VRK3: variants seen among roughly 807,000 people sequenced by gnomAD.
The protein encoded by VRK3 is VRK serine/threonine kinase 3.
A neutral mutation model predicts 60.4 loss-of-function variants in VRK3; 50 were observed. The observed-to-expected ratio is 0.83, with a 90% CI of 0.66 to 1.05. The LOEUF (loss-of-function observed/expected upper bound fraction) is 1.05, where lower values mean the gene tolerates loss of function less well. Among genes scored for constraint, VRK3 ranks in the 50% least tolerant of loss-of-function variants. The probability of loss-of-function intolerance (pLI) is 0.00; values close to 1 mark genes in which losing one functional copy is unlikely to be tolerated. For missense variants in VRK3, 549 were observed against 585.3 expected (o/e 0.94, Z 0.64); for synonymous variants, 246 against 227.8 (o/e 1.08, Z -0.72).
intron 5 of VRK3, among the ~76,000 whole-genome samples, chr19:50,001,649 C>G (rs750317607): frequency 1.3e-5 from 2 of 152,204 alleles, no homozygotes; most frequent in Non-Finnish European, 2.9e-5. Flanking sequence ...GTAGCCCTTA[C>G]TGTTCATTTA....
chr19:49,995,000 T>C (rs2076676953), intron 8 of VRK3, 81 bp from the exon 9 acceptor site: 1 of 1,403,800 alleles, frequency 7.1e-7, no homozygotes, highest in Admixed American at 2.0e-5. Flanking sequence ...GACTGTTGCG[T>C]GGGCTGCAAG....
chr19:50,019,108 T>G (rs2077122079), intron 2 of VRK3: 1 of 132,162 alleles, frequency 7.6e-6, no homozygotes, highest in African/African-American at 2.8e-5. Flanking sequence ...GAGCTTGCAG[T>G]GAGCCGAGAT....
At chr19:50,021,500 G>T (rs1045455055) in intron 1 of VRK3, among the ~76,000 whole-genome samples, 3 of 152,232 alleles carry the variant, frequency 2.0e-5, no homozygotes, top group Non-Finnish European at 4.4e-5. Context: ...ACATGGAGAG[G>T]CTCAGGTGGA....
intron 1 of VRK3, among the ~76,000 whole-genome samples, chr19:50,024,292 G>A (rs746819330): frequency 1.1e-4 from 16 of 151,952 alleles, no homozygotes; most frequent in Non-Finnish European, 2.2e-4. Context: ...GAGATCCAGG[G>A]GCAACTCTCC....
At chr19:49,989,218 C>T (rs1347239517) in intron 11 of VRK3, among the ~76,000 whole-genome samples, 2 of 152,114 alleles carry the variant, frequency 1.3e-5, no homozygotes, top group Non-Finnish European at 2.9e-5. Flanking sequence ...CTAGTCTGTA[C>T]ACTTTCCCTG....
intron 12 of VRK3, among the ~76,000 whole-genome samples, chr19:49,983,293 C>T (rs2076455512): frequency 6.6e-6 from 1 of 152,220 alleles, no homozygotes; most frequent in Non-Finnish European, 1.5e-5. Flanking sequence ...GCTCTCGCTG[C>T]CTGGGTGGTC....
At chr19:49,989,583 T>C (rs778179245) in intron 11 of VRK3, 56 bp downstream of exon 11, 15 of 1,558,772 alleles carry the variant, frequency 9.6e-6, no homozygotes, top group Non-Finnish European at 1.1e-5. Flanking sequence ...CTCCTAGAGC[T>C]GCCCTTGTAT....
At chr19:49,995,625 C>T (rs563933350) in intron 7 of VRK3, among the ~76,000 whole-genome samples, 3 of 152,202 alleles carry the variant, frequency 2.0e-5, no homozygotes, top group Non-Finnish European at 2.9e-5. Flanking sequence ...ATGGCATCAC[C>T]GGAATGTGCC....
intron 7 of VRK3, chr19:49,997,244 C>G: frequency 3.0e-6 from 1 of 335,618 alleles, no homozygotes; most frequent in Non-Finnish European, 5.5e-6. Flanking sequence ...CTCAGCCTCC[C>G]AAAGTGCTGG....
At chr19:50,016,341 C>A (rs887992479) in intron 2 of VRK3, among the ~76,000 whole-genome samples, 178 bp from the exon 3 acceptor site, 1 of 152,198 alleles carries the variant, frequency 6.6e-6, no homozygotes, top group Non-Finnish European at 1.5e-5. Flanking sequence ...AGTCAATGTT[C>A]CCCAAATATC....
intron 9 of VRK3, among the ~76,000 whole-genome samples, chr19:49,994,591 C>A (rs1249911249): frequency 1.3e-5 from 2 of 152,210 alleles, no homozygotes; most frequent in Non-Finnish European, 2.9e-5. Flanking sequence ...AGTTTGAGGC[C>A]GGGGCTCCTT....
chr19:49,997,721 A>G (rs2076730035), intron 6 of VRK3, 151 bp from the exon 7 acceptor site: 1 of 726,978 alleles, frequency 1.4e-6, no homozygotes, highest in Non-Finnish European at 2.2e-6. Context: ...CTGCACACAA[A>G]CACACATCAG....
rs778559581 is a variant in VRK3, at chr19:49,995,281, GA to G, written c.680-7del. ...CAGCTTCTTCCACTTGTTGACTGCG[GA>G]AAGCAGGGGCTTGAGGTTAGAACCC... On this transcript the variant is annotated splice_polypyrimidine_tract_variant and splice_region_variant and intron_variant, in intron 7 of 14. Coordinates refer to ENST00000316763, the MANE Select transcript of VRK3 (RefSeq NM_016440.4). 3.1e-6 allele frequency: 5 copies of G among 1,614,048 alleles called. No individual in the cohort carries two copies. The Admixed American group carries it at 8.3e-5, about 27-fold the overall frequency.
intron 1 of VRK3, among the ~76,000 whole-genome samples, chr19:50,022,052 A>C (rs770174991): frequency 4.6e-5 from 7 of 152,264 alleles, no homozygotes; most frequent in Middle Eastern, 3.4e-3. Context: ...CCCATCTTTG[A>C]AACCTACAAA....
At chr19:50,014,159 C>T (rs1244917780) in intron 3 of VRK3, among the ~76,000 whole-genome samples, 1 of 151,910 alleles carries the variant, frequency 6.6e-6, no homozygotes, top group Non-Finnish European at 1.5e-5. Context: ...CCCAACTACT[C>T]GGGAGACTGA....
intron 14 of VRK3, among the ~76,000 whole-genome samples, chr19:49,977,544 C>T (rs1402418614): frequency 6.6e-6 from 1 of 152,130 alleles, no homozygotes; most frequent in Non-Finnish European, 1.5e-5. Flanking sequence ...CAGGATGAAG[C>T]CTCTGCCCTG....
At position 49,989,729 on chromosome 19, in the gene VRK3, T is replaced by A. The variant is rs1463621856; in HGVS notation, c.1006A>T (p.Ser336Cys). 1 of 1,613,654 alleles carries A rather than the reference T, an allele frequency of 6.2e-7. No homozygotes were observed. Among genetic ancestry groups the A allele is most frequent in the Non-Finnish European group, 8.5e-7 (1 of 1,179,782 alleles). The change falls in exon 11 of 15, where the codon AGT becomes TGT. Residue 336 changes from serine to cysteine, a missense_variant. Ser to Cys is a moderately radical substitution (Grantham distance 112, BLOSUM62 -1). Transcript: ENST00000316763. Reference sequence around the variant, plus strand: ...TCCACGTAGGCCACGTGTTTGCCACTTGGGCAATAGCGGAAGGCGAAGCCA... The same window carrying A: ...TCCACGTAGGCCACGTGTTTGCCACATGGGCAATAGCGGAAGGCGAAGCCA... ...GYGFAFRYCP[S>C]GKHVAYVEGS... is the part of the protein sequence containing the mutation.
Position 49,997,544 on chromosome 19 carries a change from A to G in VRK3, c.639T>C (p.Asn213=). Residue 213 remains asparagine (N), a synonymous_variant, in exon 7 of 15, where the codon AAT becomes AAC. Transcript: ENST00000316763. The part of the protein sequence containing the change: ...KLDAKDGRLF[N]EQNFFQRAAK... ...CGGCCCGCTGGAAGAAGTTCTGCTCATTGAACAAGCGCCCATCCTTGGCAT... is the reference window on the plus strand; with the variant it reads ...CGGCCCGCTGGAAGAAGTTCTGCTCGTTGAACAAGCGCCCATCCTTGGCAT... The G allele has an allele frequency of 3.1e-6, 5 of 1,613,964 alleles. No homozygotes were observed. Among genetic ancestry groups the G allele is most frequent in the Non-Finnish European group, 4.2e-6 (5 of 1,179,916 alleles).
chr19:49,977,452 T>C (rs16981592), intron 14 of VRK3, among the ~76,000 whole-genome samples: 8,112 of 152,068 alleles, frequency 0.053, 714 homozygotes, highest in African/African-American at 0.19. Flanking sequence ...AGGTTCTAAA[T>C]GCCCTTTGCC....
Sources: gnomAD v4.1 joint callset for allele counts (sites outside exome capture counted in the v4.1 genomes callset) on GRCh38, gnomAD v4.1.1 for gene constraint, MANE v1.5 for transcripts, NCBI Gene and HGNC (gene_info 2026-07-23, HGNC 2026-07-21) for gene names.